Variants in PAH observed in about 807,000 individuals in gnomAD.
PAH encodes the protein phenylalanine-4-hydroxylase.
A neutral mutation model predicts 62.0 loss-of-function variants in PAH; 64 were observed. The ratio of observed to expected loss-of-function variants is 1.03; its 90% CI spans 0.84 to 1.27. The LOEUF (loss-of-function observed/expected upper bound fraction) is 1.27. PAH is among the 50% of genes most tolerant of loss of function. The pLI is 0.00. For missense variants in PAH, 579 were observed against 542.8 expected, an observed-to-expected ratio of 1.07 and a Z score of -0.66; for synonymous variants, 195 against 196.2, an observed-to-expected ratio of 0.99 and a Z score of 0.05.
In PAH at chr12:102,838,502, C is replaced by G. The variant is rs977597724; in HGVS notation, c.*673G>C. ...TCCTCAAAGTGTTTCCCAAAACAGA[C>G]TTGATAATTAATTGGAAAATGATAC... On this transcript the variant is annotated 3_prime_UTR_variant, in exon 13 of 13. Transcript: ENST00000553106. 3.3e-5 allele frequency: 5 copies of G among 152,108 alleles called. No individual in the cohort carries two copies. Among genetic ancestry groups the G allele is most frequent in the African/African-American group, 1.2e-4 (5 of 41,418 alleles). The allele number at this position is 152,108 out of a possible 1,614,324, so 9.4% of individuals were successfully genotyped here.
chr12:102,923,227 A>G (rs111307468), intron 1 of PAH, among the ~76,000 whole-genome samples: 182 of 152,308 alleles, frequency 1.2e-3, no homozygotes, highest in African/African-American at 4.2e-3. Context: ...TGTGGATGAT[A>G]ATGCCTGCGT....
At chr12:102,917,290 C>CACGAGGGGCGTTA, upstream of PAH, 1 of 698,402 alleles carries the variant, frequency 1.4e-6, no homozygotes, top group Non-Finnish European at 2.6e-6. Flanking sequence ...CAGTAACGCC[C>CACGAGGGGCGTTA]CTCGTGGGCG....
chr12:102,898,917 G>A (rs1468796557), intron 2 of PAH, among the ~76,000 whole-genome samples: 1 of 152,118 alleles, frequency 6.6e-6, no homozygotes, highest in East Asian at 1.9e-4. Flanking sequence ...ACAGGCTCAC[G>A]GTGCAGCCAT....
chr12:102,878,899 A>G (rs1327411001), intron 3 of PAH, among the ~76,000 whole-genome samples: 2 of 152,104 alleles, frequency 1.3e-5, no homozygotes, highest in Non-Finnish European at 2.9e-5. Flanking sequence ...AAGCTTAAAT[A>G]GCTGATTTGA....
At chr12:102,862,804 C>T (rs888256711) in intron 5 of PAH, among the ~76,000 whole-genome samples, 1 of 152,088 alleles carries the variant, frequency 6.6e-6, no homozygotes, top group Non-Finnish European at 1.5e-5. Context: ...AGAATTGTAC[C>T]TCATCCAAAC....
rs1223752592 is a variant in PAH at position 102,871,936 on chromosome 12, AAAAAAAAAAAAAAATATATATATATAT to A, written c.442-5300_442-5274del. ...AAACTCTGCCTCAAAAAAAAAAAAA[AAAAAAAAAAAAAAATATATATATATAT>A]ATATATATATATATATATATATTTG... On this transcript the variant is annotated intron_variant, in intron 4 of 12. Transcript: ENST00000553106. Among the ~76,000 whole-genome samples the A allele has an allele frequency of 7.7e-3, 699 of 90,288 alleles. 5 individuals carry two copies. The highest frequency in any genetic ancestry group is 0.037 in the African/African-American group (640 of 17,414). The allele number at this position is 90,288 out of a possible 152,430, so 59.2% of individuals were successfully genotyped here. A position where few individuals can be genotyped will look rare whatever the true frequency, so the allele number is the denominator to read the frequency against.
At chr12:102,854,664 G>A in intron 6 of PAH, 1 of 223,642 alleles carries the variant, frequency 4.5e-6, no homozygotes, top group Non-Finnish European at 8.9e-6. Flanking sequence ...ACTGAGGCAG[G>A]TTTACTCAGC....
At chr12:102,921,617 G>A (rs957899204), upstream of PAH, among the ~76,000 whole-genome samples, 14 of 152,262 alleles carry the variant, frequency 9.2e-5, no homozygotes, top group Middle Eastern at 3.4e-3. Flanking sequence ...GTTCCAAAGA[G>A]GTGCTCTTCT....
chr12:102,893,217 T>C (rs1877351461), intron 3 of PAH, among the ~76,000 whole-genome samples: 1 of 151,924 alleles, frequency 6.6e-6, no homozygotes, highest in African/African-American at 2.4e-5. Context: ...TTGACAAACA[T>C]GGTGAAATCC....
chr12:102,958,413 C>CAGG (rs1471826311), upstream of PAH: 2 of 1,533,722 alleles, frequency 1.3e-6, no homozygotes, highest in Non-Finnish European at 1.8e-6. Context: ...GCAGCAGCAG[C>CAGG]AGCAGCAGCA....
Position 102,860,605 on chromosome 12 carries a change from A to G in PAH, c.510-5273T>C, listed in dbSNP as rs375518861. Among the ~76,000 whole-genome samples the G allele has an allele frequency of 1.7e-4, 26 of 152,348 alleles. 1 individual carries two copies. The East Asian group carries it at 3.5e-3, about 20-fold the overall frequency. Reference sequence around the variant, plus strand: ...ACTATACTACAAGGCTACAGTAACCAAAACAGCATGGTACTGGTATCAAAA... The same window carrying G: ...ACTATACTACAAGGCTACAGTAACCGAAACAGCATGGTACTGGTATCAAAA... On this transcript the variant is annotated intron_variant, in intron 5 of 12. Transcript: ENST00000553106.
At chr12:102,877,372 T>C (rs2136678807) in intron 4 of PAH, 90 bp downstream of exon 4, 1 of 951,668 alleles carries the variant, frequency 1.1e-6, no homozygotes, top group Non-Finnish European at 1.7e-6. Flanking sequence ...AGTGAACAAG[T>C]ACATTGCTCC....
chr12:102,941,335 A>G (rs938673835), intron 1 of PAH, among the ~76,000 whole-genome samples: 2 of 152,206 alleles, frequency 1.3e-5, no homozygotes, highest in African/African-American at 4.8e-5. Flanking sequence ...AAGTAGGCTA[A>G]ATCCCTCCAA....
At chr12:102,875,840 C>A (rs77526280) in intron 4 of PAH, among the ~76,000 whole-genome samples, 2 of 151,946 alleles carry the variant, frequency 1.3e-5, no homozygotes, top group Admixed American at 6.6e-5. Context: ...ACTTCCTACA[C>A]GTTTGCAATT....
Position 102,855,275 on chromosome 12 carries a change from T to A in PAH, c.567A>T (p.Thr189=). Residue 189 remains threonine, a synonymous_variant, in exon 6 of 13, where the codon ACA becomes ACT. Coordinates refer to ENST00000553106, the MANE Select transcript of PAH (RefSeq NM_000277.3). ...ACAAGGACTTCAGAGTCTTGAACAC[T>A]GTGCCCCATGTTTTCTTTTCTTCCT... ...YMEEEKKTWG[T]VFKTLKSLYK... 1 of 1,614,214 alleles carries A rather than the reference T, an allele frequency of 6.2e-7. No homozygotes were observed.
intron 2 of PAH, among the ~76,000 whole-genome samples, chr12:102,895,863 A>ATATAT: frequency 7.5e-6 from 1 of 133,644 alleles, no homozygotes; most frequent in African/African-American, 3.4e-5. Flanking sequence ...TCAAAAAAAA[A>ATATAT]AAAAAAATAT....
chr12:102,893,057 T>C (rs2136699371), intron 3 of PAH, among the ~76,000 whole-genome samples: 1 of 152,338 alleles, frequency 6.6e-6, no homozygotes, highest in East Asian at 1.9e-4. Flanking sequence ...CTGGGAACTC[T>C]CTGTACTTTC....
intron 4 of PAH, among the ~76,000 whole-genome samples, chr12:102,875,913 C>CAT (rs1344410074): frequency 1.4e-5 from 2 of 138,940 alleles, no homozygotes; most frequent in African/African-American, 2.7e-5. Context: ...TATTTGTGTG[C>CAT]ATATATATAC....
intron 7 of PAH, 192 bp from the exon 8 acceptor site, chr12:102,851,948 G>A (rs1009294406): frequency 1.4e-5 from 8 of 583,286 alleles, no homozygotes; most frequent in Admixed American, 5.9e-5. Context: ...AAGAAGAAAA[G>A]GAAGGAAAAA....
Sources: allele counts gnomAD v4.1 joint callset (sites outside exome capture counted in the v4.1 genomes callset), GRCh38; gene constraint gnomAD v4.1.1; transcripts MANE v1.5; gene names NCBI Gene and HGNC (gene_info 2026-07-23, HGNC 2026-07-21).